The following CFAP99 variants were observed in gnomAD, a reference collection of about 807,000 sequenced individuals.
CFAP99 encodes the protein cilia- and flagella-associated protein 99.
CFAP99 carries 84 observed loss-of-function variants against 82.7 expected under a neutral mutation model. The observed-to-expected ratio is 1.02, with a 90% confidence interval of 0.85 to 1.22. The LOEUF is 1.22. Ranked by LOEUF, CFAP99 falls within the 50% of genes most tolerant of loss-of-function variation. The pLI, the probability that CFAP99 is intolerant of heterozygous loss-of-function variation, is 0.00. For missense variants in CFAP99, 1,059 were observed against 983.5 expected, an observed-to-expected ratio of 1.08 and a Z score of -1.03; for synonymous variants, 456 against 429.5, an observed-to-expected ratio of 1.06 and a Z score of -0.76.
intron 4 of CFAP99, among the ~76,000 whole-genome samples, chr4:2,441,874 G>A (rs1734049506): frequency 6.6e-6 from 1 of 152,236 alleles, no homozygotes; most frequent in Admixed American, 6.5e-5. Flanking sequence ...ACCATGGTCA[G>A]GAGTGGTGGG....
intron 2 of CFAP99, among the ~76,000 whole-genome samples, chr4:2,430,642 A>C (rs1203777): frequency 0.26 from 39,297 of 152,022 alleles, 6,311 homozygotes; most frequent in African/African-American, 0.45. Flanking sequence ...CCCCTCCCCC[A>C]AAAAAAAGTA....
chr4:2,433,368 C>A (rs967515186), intron 2 of CFAP99, among the ~76,000 whole-genome samples: 2 of 150,442 alleles, frequency 1.3e-5, no homozygotes, highest in Non-Finnish European at 2.9e-5. Context: ...TCACTGCTCT[C>A]GGAAGGGTCT....
intron 8 of CFAP99, 85 bp from the exon 9 acceptor site, chr4:2,450,862 C>A: frequency 8.4e-7 from 1 of 1,193,146 alleles, no homozygotes. Flanking sequence ...CCCCAGGGTG[C>A]TGGGCCAGCA....
intron 2 of CFAP99, among the ~76,000 whole-genome samples, chr4:2,432,173 T>C (rs1733813599): frequency 6.6e-6 from 1 of 152,192 alleles, no homozygotes. Context: ...TGTTGCCTCA[T>C]AGTCACTAAA....
intron 1 of CFAP99, among the ~76,000 whole-genome samples, chr4:2,424,433 A>C (rs1385409859): frequency 6.6e-6 from 1 of 152,170 alleles, no homozygotes; most frequent in East Asian, 1.9e-4. Context: ...AGCCTGGGCA[A>C]CAAGAGCAAA....
intron 4 of CFAP99, among the ~76,000 whole-genome samples, chr4:2,439,398 C>A (rs1733986446): frequency 6.6e-6 from 1 of 152,116 alleles, no homozygotes; most frequent in African/African-American, 2.4e-5. Context: ...GCCCCTGGGC[C>A]CAGATCTTCG....
At chr4:2,453,025 T>C (rs1734340624) in intron 11 of CFAP99, among the ~76,000 whole-genome samples, 1 of 152,186 alleles carries the variant, frequency 6.6e-6, no homozygotes, top group African/African-American at 2.4e-5. Flanking sequence ...ATCATGCCAC[T>C]GCACTCCATC....
chr4:2,437,104 G>A (rs940608467), intron 3 of CFAP99, 86 bp downstream of exon 3: 2 of 1,470,362 alleles, frequency 1.4e-6, no homozygotes, highest in East Asian at 2.5e-5. Context: ...GCAGGCAGCG[G>A]GCAGGCGGGG....
chr4:2,443,138 G>T, exon 5 of CFAP99: 2 of 1,533,788 alleles, frequency 1.3e-6, no homozygotes, highest in Non-Finnish European at 1.7e-6. Context: ...AGTTCCTCAG[G>T]TTCTTCTTCA....
In CFAP99 at chr4:2,444,309, G is replaced by A. The variant is rs370457287; in HGVS notation, c.465-822G>A. ...AGTTCCCGTGAGCCCCTCTTCCTGC[G>A]CCACCACCCCCATTCAGGCTTCCTC... On this transcript the variant is annotated intron_variant, in intron 5 of 14. Coordinates refer to ENST00000635017, the Ensembl canonical transcript of CFAP99. Among the ~76,000 whole-genome samples the A allele has an allele frequency of 3.3e-5, 5 of 152,212 alleles. No homozygotes were observed. The South Asian group carries it at 1.0e-3, about 32-fold the overall frequency.
Position 2,449,590 on chromosome 4 carries a change from A to G in CFAP99, c.643-80A>G. Reference sequence around the variant, plus strand: ...CCCTCCCCTTCACCCACATCCACCAAGCTGTCAGCCCTGGCATTTCTAGGC... The same window carrying G: ...CCCTCCCCTTCACCCACATCCACCAGGCTGTCAGCCCTGGCATTTCTAGGC... On this transcript the variant is annotated intron_variant, in intron 6 of 14. Coordinates refer to ENST00000635017, the Ensembl canonical transcript of CFAP99. 3 of 1,291,316 alleles carry G rather than the reference A, an allele frequency of 2.3e-6. 1 individual carries two copies. Among genetic ancestry groups the G allele is most frequent in the Middle Eastern group, 3.9e-4 (2 of 5,160 alleles). The allele number at this position is 1,291,316 out of a possible 1,614,324, so 80.0% of individuals were successfully genotyped here.
chr4:2,426,294 C>T (rs1733680547), intron 1 of CFAP99, among the ~76,000 whole-genome samples, 165 bp from the exon 2 acceptor site: 2 of 148,858 alleles, frequency 1.3e-5, no homozygotes, highest in South Asian at 4.2e-4. Context: ...CACATCCGGC[C>T]CTCCCCACTG....
chr4:2,456,608 C>T (rs1381697991), intron 11 of CFAP99, among the ~76,000 whole-genome samples: 2 of 152,202 alleles, frequency 1.3e-5, no homozygotes, highest in African/African-American at 4.8e-5. Context: ...CAACCTCTGC[C>T]TCCTGGGGTC....
intron 2 of CFAP99, chr4:2,428,721 T>TC (rs1733737971): frequency 1.3e-5 from 2 of 152,666 alleles, no homozygotes; most frequent in Non-Finnish European, 2.9e-5. Context: ...GGCTCGGGCC[T>TC]CCCCTGTCGG....
intron 5 of CFAP99, 31 bp downstream of exon 5, chr4:2,443,273 G>A (rs1734093232): frequency 7.1e-7 from 1 of 1,403,630 alleles, no homozygotes; most frequent in Non-Finnish European, 9.7e-7. Flanking sequence ...TGGGGGCCCT[G>A]AATGGCATCT....
intron 2 of CFAP99, among the ~76,000 whole-genome samples, chr4:2,432,510 G>A (rs531848355): frequency 2.9e-4 from 44 of 152,186 alleles, no homozygotes; most frequent in Non-Finnish European, 4.7e-4. Context: ...TTACTGATGA[G>A]CAGGTATTGG....
intron 1 of CFAP99, among the ~76,000 whole-genome samples, chr4:2,425,993 T>G (rs1733674129): frequency 6.6e-6 from 1 of 151,986 alleles, no homozygotes; most frequent in South Asian, 2.1e-4. Context: ...GACCTTCTGC[T>G]CCCCAGCAGG....
intron 2 of CFAP99, among the ~76,000 whole-genome samples, chr4:2,434,589 C>T (rs1483241765): frequency 2.0e-5 from 3 of 152,198 alleles, no homozygotes; most frequent in Admixed American, 6.5e-5. Context: ...GGGTCAGTCC[C>T]GGCTCCCAGC....
intron 2 of CFAP99, among the ~76,000 whole-genome samples, chr4:2,436,342 C>A (rs1733906683): frequency 6.6e-6 from 1 of 152,072 alleles, no homozygotes; most frequent in Non-Finnish European, 1.5e-5. Context: ...CATTTGAAAA[C>A]CTTTATGGGT....
Sources: gnomAD v4.1 joint callset for allele counts (sites outside exome capture counted in the v4.1 genomes callset) on GRCh38, gnomAD v4.1.1 for gene constraint, MANE v1.5 for transcripts, NCBI Gene and HGNC (gene_info 2026-07-23, HGNC 2026-07-21) for gene names.